The following RNF10 variants were observed in gnomAD, a reference collection of about 807,000 sequenced individuals.
RNF10 encodes E3 ubiquitin-protein ligase RNF10.
A neutral mutation model predicts 91.4 loss-of-function variants in RNF10; 38 were observed. That is an observed-to-expected ratio of 0.42 (90% CI 0.32 to 0.54). The LOEUF is 0.54. Ranked by LOEUF, RNF10 falls within the 20% of genes least tolerant of loss-of-function variation. The probability of loss-of-function intolerance (pLI) is 0.16; values close to 1 mark genes in which losing one functional copy is unlikely to be tolerated. For missense variants in RNF10, 945 were observed against 1,012.0 expected, an observed-to-expected ratio of 0.93 and a Z score of 0.90; for synonymous variants, 364 against 366.3, an observed-to-expected ratio of 0.99 and a Z score of 0.07.
At chr12:120,564,121 C>T (rs1875326399) in intron 10 of RNF10, among the ~76,000 whole-genome samples, 178 bp downstream of exon 10, 2 of 152,126 alleles carry the variant, frequency 1.3e-5, no homozygotes, top group Admixed American at 6.6e-5. Context: ...CTCAGCATGC[C>T]AGGGTTCTGT....
intron 12 of RNF10, 25 bp downstream of exon 12, chr12:120,565,554 G>T (rs948008183): frequency 6.3e-7 from 1 of 1,583,452 alleles, no homozygotes; most frequent in African/African-American, 1.3e-5. Flanking sequence ...TTTCATCTTT[G>T]ACTAGCACTG....
At chr12:120,568,901 T>C (rs552997931) in intron 13 of RNF10, among the ~76,000 whole-genome samples, 1 of 152,062 alleles carries the variant, frequency 6.6e-6, no homozygotes, top group African/African-American at 2.4e-5. Flanking sequence ...GGATTCCAGG[T>C]GTGAGCCACT....
chr12:120,555,318 A>T (rs1197402449), intron 4 of RNF10, among the ~76,000 whole-genome samples: 2 of 151,322 alleles, frequency 1.3e-5, no homozygotes, highest in Non-Finnish European at 2.9e-5. Flanking sequence ...AGTAGCTGGG[A>T]TTACAGGCAC....
chr12:120,562,267 CTTTCTTT>C (rs1192444658), intron 7 of RNF10, among the ~76,000 whole-genome samples: 2,349 of 102,040 alleles, frequency 0.023, 61 homozygotes, highest in African/African-American at 0.072. Flanking sequence ...CTTTTTCTTT[CTTTCTTT>C]TTTTTTTTTT....
intron 13 of RNF10, 31 bp downstream of exon 13, chr12:120,567,011 A>G (rs2137244375): frequency 1.3e-6 from 2 of 1,591,310 alleles, no homozygotes; most frequent in Non-Finnish European, 1.7e-6. Context: ...GAATTCACCC[A>G]TCAGTTAGAC....
chr12:120,554,708 C>G lies in RNF10; in HGVS notation c.555-10C>G. ...ACAGTCTAGCTTTTTCCTGTCTTTCCTATTTCTAGCTGCCAATTTGTGGTG... is the reference window on the plus strand; with the variant it reads ...ACAGTCTAGCTTTTTCCTGTCTTTCGTATTTCTAGCTGCCAATTTGTGGTG... On this transcript the variant is annotated splice_polypyrimidine_tract_variant and intron_variant, in intron 3 of 16. Coordinates refer to ENST00000325954, the MANE Select transcript of RNF10 (RefSeq NM_014868.5). 1.2e-6 allele frequency: 2 copies of G among 1,608,754 alleles called. No individual in the cohort carries two copies. The highest frequency in any genetic ancestry group is 1.7e-6 in the Non-Finnish European group (2 of 1,175,414).
chr12:120,559,176 C>CTTT (rs34120761), intron 6 of RNF10, among the ~76,000 whole-genome samples: 2,817 of 94,932 alleles, frequency 0.03, 98 homozygotes, highest in African/African-American at 0.041. Context: ...TTGAACTACT[C>CTTT]TTTTTTTTTT....
intron 14 of RNF10, chr12:120,574,742 A>T (rs995695497): frequency 1.3e-5 from 4 of 302,020 alleles, no homozygotes; most frequent in African/African-American, 8.9e-5. Flanking sequence ...CCTGACCAAC[A>T]TGGAGAAACC....
intron 16 of RNF10, among the ~76,000 whole-genome samples, 198 bp from the exon 17 acceptor site, chr12:120,576,392 A>C (rs1420917965): frequency 1.3e-5 from 2 of 152,216 alleles, no homozygotes; most frequent in Non-Finnish European, 2.9e-5. Context: ...AGATGGGGAA[A>C]CTGAGGTCCA....
At position 120,534,915 on chromosome 12, in the gene RNF10, A is replaced by C. The variant is rs778295631; in HGVS notation, c.104A>C (p.Gln35Pro). 1 of 1,606,480 alleles carries C rather than the reference A, an allele frequency of 6.2e-7. No homozygotes were observed. Among genetic ancestry groups the C allele is most frequent in the African/African-American group, 1.3e-5 (1 of 74,916 alleles). Residue 35 changes from glutamine (Q) to proline (P), a missense_variant, in exon 1 of 17, where the codon CAG becomes CCG. By Grantham distance (76) the Gln-to-Pro change is moderately conservative (BLOSUM62 -1). Coordinates refer to ENST00000325954, the MANE Select transcript of RNF10 (RefSeq NM_014868.5). Reference protein sequence around the residue: ...SASSGSSKGQQPPRSASAGPA... With the variant: ...SASSGSSKGQPPPRSASAGPA... ...TCTTCGGGCAGCAGCAAAGGGCAAC[A>C]GCCGCCCCGCTCCGCCTCGGCGGGG... is the stretch of plus-strand genomic sequence containing the variant.
In RNF10 at chr12:120,563,473, G is replaced by C; in HGVS notation, c.1381G>C (p.Glu461Gln). ...GGAAGCAGTGTCTGAACCAGAGCCT[G>C]AGGGGTTGCCAGAGGCCTGTGATGA... ...EEEAVSEPEP[E>Q]GLPEACDDLE... Residue 461 changes from glutamate (E) to glutamine (Q), a missense_variant, in exon 9 of 17, where the codon GAG becomes CAG. Coordinates refer to ENST00000325954, the MANE Select transcript of RNF10 (RefSeq NM_014868.5). 2 of 1,614,190 alleles carry C rather than the reference G, an allele frequency of 1.2e-6. No homozygotes were observed. Among genetic ancestry groups the C allele is most frequent in the Non-Finnish European group, 8.5e-7 (1 of 1,180,032 alleles).
At chr12:120,553,177 G>T (rs1425460859) in intron 3 of RNF10, among the ~76,000 whole-genome samples, 1 of 143,194 alleles carries the variant, frequency 7.0e-6, no homozygotes, top group African/African-American at 2.6e-5. Context: ...TCTGCCTCCC[G>T]GGTTTAAGTG....
At chr12:120,575,433 G>A in intron 14 of RNF10, 198 bp from the exon 15 acceptor site, 1 of 607,332 alleles carries the variant, frequency 1.6e-6, no homozygotes, top group East Asian at 2.8e-5. Flanking sequence ...TTACTACCTT[G>A]TGGGTTTCAT....
At chr12:120,569,169 A>C (rs970398071) in intron 13 of RNF10, among the ~76,000 whole-genome samples, 2 of 151,976 alleles carry the variant, frequency 1.3e-5, no homozygotes, top group Non-Finnish European at 2.9e-5. Flanking sequence ...GGGTTTCTCC[A>C]TGTTGGTCAG....
intron 16 of RNF10, among the ~76,000 whole-genome samples, chr12:120,576,194 G>T (rs1454451414): frequency 6.6e-6 from 1 of 152,228 alleles, no homozygotes; most frequent in Admixed American, 6.5e-5. Flanking sequence ...ATACAGTGGG[G>T]TGTACAACCT....
At chr12:120,535,757 A>G (rs1870683210) in intron 1 of RNF10, among the ~76,000 whole-genome samples, 2 of 152,208 alleles carry the variant, frequency 1.3e-5, no homozygotes, top group South Asian at 4.1e-4. Flanking sequence ...CAAGTCTGTC[A>G]ATATTATGAC....
At position 120,534,648 on chromosome 12, in the gene RNF10, C is replaced by G; in HGVS notation, c.-164C>G. 7.4e-7 allele frequency: 1 copy of G among 1,352,738 alleles called. No homozygotes were observed. The highest frequency in any genetic ancestry group is 1.8e-5 in the South Asian group (1 of 55,056). 83.8% of individuals were successfully genotyped at this position (1,352,738 alleles called of 1,614,324 possible). On this transcript the variant is annotated 5_prime_UTR_variant, in exon 1 of 17. Coordinates refer to ENST00000325954, the MANE Select transcript of RNF10 (RefSeq NM_014868.5). Reference sequence around the variant, plus strand: ...GGCTTAACAGCCCCGTCCGCCGCTTCTCTTCCTAGTTTGAGAAGCCAAGGA... The same window carrying G: ...GGCTTAACAGCCCCGTCCGCCGCTTGTCTTCCTAGTTTGAGAAGCCAAGGA...
intron 1 of RNF10, among the ~76,000 whole-genome samples, chr12:120,541,268 A>G (rs1871520726): frequency 6.6e-6 from 1 of 152,204 alleles, no homozygotes; most frequent in Non-Finnish European, 1.5e-5. Context: ...GGTAGGGTCC[A>G]GGATCATCTG....
chr12:120,564,066 T>G, intron 10 of RNF10, 123 bp downstream of exon 10: 1 of 1,066,764 alleles, frequency 9.4e-7, no homozygotes, highest in African/African-American at 1.6e-5. Flanking sequence ...TTTTAGTCTT[T>G]CTGTCAGTGA....
Sources: gnomAD v4.1 joint callset for allele counts (sites outside exome capture counted in the v4.1 genomes callset) on GRCh38, gnomAD v4.1.1 for gene constraint, MANE v1.5 for transcripts, NCBI Gene and HGNC (gene_info 2026-07-23, HGNC 2026-07-21) for gene names.